Variants in CAST observed in about 807,000 individuals in gnomAD.
CAST encodes MIR583 host.
Under a neutral mutation model 119.6 loss-of-function variants are expected in CAST, and 76 were observed. The observed-to-expected ratio is 0.64, with a 90% CI of 0.53 to 0.77. The LOEUF is 0.77. Among genes scored for constraint, CAST ranks in the 30% least tolerant of loss-of-function variants. The pLI, the probability that CAST is intolerant of heterozygous loss-of-function variation, is 0.00. For synonymous variants in CAST, 319 were observed against 331.6 expected (o/e 0.96, Z 0.41); for missense variants, 953 against 946.5 (o/e 1.01, Z -0.09).
At chr5:96,731,385 A>G (rs1056595397) in intron 9 of CAST, among the ~76,000 whole-genome samples, 2 of 151,722 alleles carry the variant, frequency 1.3e-5, no homozygotes, top group Non-Finnish European at 2.9e-5. Context: ...GCTGCTTCCA[A>G]TACTTGCCCA....
At chr5:96,061,394 G>A in the CAST span, among the ~76,000 whole-genome samples, 3 of 152,094 alleles carry the variant, frequency 2.0e-5, no homozygotes, top group Admixed American at 1.3e-4. Context: ...AAAGTGGTAC[G>A]TTCACAAAGC....
At chr5:95,985,806 G>A in the CAST span, among the ~76,000 whole-genome samples, 1 of 152,116 alleles carries the variant, frequency 6.6e-6, no homozygotes, top group South Asian at 2.1e-4. Context: ...TACTATTAAA[G>A]AAAAACTGGC....
the CAST span, among the ~76,000 whole-genome samples, chr5:96,163,732 T>C: frequency 6.6e-6 from 1 of 152,198 alleles, no homozygotes; most frequent in Non-Finnish European, 1.5e-5. Flanking sequence ...TTACTGGGAT[T>C]GTTCCTTACC....
chr5:96,247,952 T>A, the CAST span: 2 of 152,228 alleles, frequency 1.3e-5, no homozygotes, highest in Non-Finnish European at 2.9e-5. Context: ...AGGAAGAATA[T>A]TCCTGGCTTA....
chr5:96,337,928 C>G, the CAST span, among the ~76,000 whole-genome samples: 1 of 152,120 alleles, frequency 6.6e-6, no homozygotes, highest in African/African-American at 2.4e-5. Context: ...AACATTAGTA[C>G]TTGAAATTTT....
At chr5:96,210,104 C>T in the CAST span, 1 of 151,888 alleles carries the variant, frequency 6.6e-6, no homozygotes, top group Admixed American at 6.6e-5. Flanking sequence ...AGTCATTCCT[C>T]AGCTGGGTCT....
At chr5:95,969,846 T>C in the CAST span, among the ~76,000 whole-genome samples, 1 of 152,140 alleles carries the variant, frequency 6.6e-6, no homozygotes, top group Non-Finnish European at 1.5e-5. Context: ...GGCCTCAGAG[T>C]CAACCTATTG....
chr5:96,684,657 G>A (rs940777940), intron 2 of CAST, among the ~76,000 whole-genome samples: 1 of 151,784 alleles, frequency 6.6e-6, no homozygotes, highest in Non-Finnish European at 1.5e-5. Flanking sequence ...CTGCCTCCTG[G>A]GTTCAAGCGA....
chr5:96,360,903 A>C, the CAST span, among the ~76,000 whole-genome samples: 1 of 152,220 alleles, frequency 6.6e-6, no homozygotes, highest in Non-Finnish European at 1.5e-5. Flanking sequence ...GCAGGCAGGA[A>C]TGTTTAAGTC....
chr5:96,011,283 C>G, the CAST span, among the ~76,000 whole-genome samples: 1 of 152,042 alleles, frequency 6.6e-6, no homozygotes, highest in Non-Finnish European at 1.5e-5. Context: ...AATTCACAGA[C>G]ATTAAGGATC....
the CAST span, among the ~76,000 whole-genome samples, chr5:96,107,595 T>C: frequency 1.3e-5 from 2 of 152,230 alleles, no homozygotes; most frequent in Middle Eastern, 3.2e-3. Flanking sequence ...AGAGATCCGC[T>C]GTTAGTCTGA....
chr5:96,061,454 T>C, the CAST span, among the ~76,000 whole-genome samples: 3 of 152,074 alleles, frequency 2.0e-5, no homozygotes, highest in Non-Finnish European at 4.4e-5. Context: ...AGCTCACATA[T>C]AGGACTGTAG....
chr5:96,105,991 C>A, the CAST span, among the ~76,000 whole-genome samples: 1 of 152,142 alleles, frequency 6.6e-6, no homozygotes, highest in East Asian at 1.9e-4. Context: ...GGAATTTATC[C>A]ATTTCTTCTA....
At chr5:96,464,026 G>A in the CAST span, among the ~76,000 whole-genome samples, 88 of 152,002 alleles carry the variant, frequency 5.8e-4, 1 homozygote, top group Non-Finnish European at 4.7e-4. Flanking sequence ...TATGATTGAG[G>A]GTGAAGTGAG....
At chr5:95,988,546 A>G in the CAST span, among the ~76,000 whole-genome samples, 2 of 152,182 alleles carry the variant, frequency 1.3e-5, no homozygotes, top group Non-Finnish European at 2.9e-5. Context: ...AGATATTTTG[A>G]CAGCTCTTTT....
the CAST span, among the ~76,000 whole-genome samples, chr5:96,011,751 T>C: frequency 1.3e-5 from 2 of 152,214 alleles, no homozygotes; most frequent in African/African-American, 2.4e-5. Flanking sequence ...GCATAATTTT[T>C]CAAGCCGGTG....
the CAST span, among the ~76,000 whole-genome samples, chr5:96,385,431 G>A: frequency 2.0e-5 from 3 of 152,122 alleles, no homozygotes; most frequent in Non-Finnish European, 4.4e-5. Context: ...AGATAGGGTT[G>A]GATAAACCAG....
At chr5:96,575,648 G>GA (rs552788466) in intron 1 of CAST, among the ~76,000 whole-genome samples, 3 of 142,610 alleles carry the variant, frequency 2.1e-5, no homozygotes, top group Non-Finnish European at 4.6e-5. Flanking sequence ...TTTGTTTTTT[G>GA]TTTTTTTTTT....
the CAST span, among the ~76,000 whole-genome samples, chr5:96,080,461 A>G: frequency 1.3e-5 from 2 of 152,208 alleles, no homozygotes; most frequent in Non-Finnish European, 2.9e-5. Context: ...GGGCAAATTG[A>G]GAGTAAAGTT....
Sources: gnomAD v4.1 joint callset for allele counts (sites outside exome capture counted in the v4.1 genomes callset) on GRCh38, gnomAD v4.1.1 for gene constraint, MANE v1.5 for transcripts, NCBI Gene and HGNC (gene_info 2026-07-23, HGNC 2026-07-21) for gene names.